The following PROX1 variants were observed in gnomAD, a reference collection of about 807,000 sequenced individuals.
PROX1 encodes prospero homeobox protein 1.
In PROX1, 7 loss-of-function variants were observed where a neutral mutation model predicts 58.8. The ratio of observed to expected loss-of-function variants is 0.12; its 90% CI spans 0.07 to 0.22. The LOEUF (loss-of-function observed/expected upper bound fraction) is 0.22. Among genes scored for constraint, PROX1 ranks in the 10% least tolerant of loss-of-function variants. The pLI is 1.00. For synonymous variants in PROX1, 350 were observed against 358.3 expected (o/e 0.98, Z 0.26); for missense variants, 675 against 927.8 (o/e 0.73, Z 3.54).
intron 4 of PROX1, among the ~76,000 whole-genome samples, chr1:214,024,022 A>C (rs564750667): frequency 6.6e-6 from 1 of 152,294 alleles, no homozygotes; most frequent in East Asian, 1.9e-4. Context: ...AGTGACCTGA[A>C]GGCGTACAAG....
chr1:214,011,842 C>G, intron 4 of PROX1, 127 bp downstream of exon 4: 1 of 724,608 alleles, frequency 1.4e-6, no homozygotes, highest in Non-Finnish European at 2.1e-6. Flanking sequence ...AATAGAGTAA[C>G]AGGTAGAGCT....
intron 4 of PROX1, among the ~76,000 whole-genome samples, chr1:214,021,224 T>G (rs2102753554): frequency 6.6e-6 from 1 of 152,386 alleles, no homozygotes; most frequent in East Asian, 1.9e-4. Context: ...TTAAACCTTT[T>G]TTAAACTTAA....
intron 1 of PROX1, among the ~76,000 whole-genome samples, chr1:213,992,070 C>T (rs1002567473): frequency 6.6e-6 from 1 of 152,132 alleles, no homozygotes; most frequent in Non-Finnish European, 1.5e-5. Flanking sequence ...TTATTTCACA[C>T]TCTGTCTTAT....
At chr1:214,010,124 A>G (rs1333197186) in intron 3 of PROX1, among the ~76,000 whole-genome samples, 1 of 152,184 alleles carries the variant, frequency 6.6e-6, no homozygotes, top group Non-Finnish European at 1.5e-5. Context: ...CAGAGCAGAC[A>G]CACAGAGTGA....
At chr1:214,019,599 G>A (rs774062489) in intron 4 of PROX1, among the ~76,000 whole-genome samples, 10 of 152,290 alleles carry the variant, frequency 6.6e-5, no homozygotes, top group Admixed American at 2.6e-4. Flanking sequence ...GGCAGCAGCC[G>A]TCGTGGGCCA....
At chr1:214,020,672 C>T (rs1214765301) in intron 4 of PROX1, among the ~76,000 whole-genome samples, 1 of 152,158 alleles carries the variant, frequency 6.6e-6, no homozygotes, top group Admixed American at 6.5e-5. Context: ...ATTAATTGAT[C>T]TGTGTTAGCA....
chr1:214,027,312 A>G (rs1664492409), intron 4 of PROX1, among the ~76,000 whole-genome samples: 1 of 151,712 alleles, frequency 6.6e-6, no homozygotes, highest in Non-Finnish European at 1.5e-5. Context: ...CAAACTCACT[A>G]GAGAGTTTGG....
At chr1:214,000,070 A>G (rs1364663310) in intron 2 of PROX1, among the ~76,000 whole-genome samples, 1 of 151,970 alleles carries the variant, frequency 6.6e-6, no homozygotes, top group East Asian at 1.9e-4. Flanking sequence ...ACACACAGAC[A>G]CACACACACA....
chr1:214,000,429 G>C (rs1663463082), intron 2 of PROX1, among the ~76,000 whole-genome samples: 1 of 152,178 alleles, frequency 6.6e-6, no homozygotes, highest in Non-Finnish European at 1.5e-5. Context: ...CTTCTTCAGA[G>C]GCATGACTTC....
rs1424576899 is a variant in PROX1, at chr1:214,035,677, A to T, written c.2057A>T (p.Gln686Leu). 6 of 1,613,542 alleles carry T rather than the reference A, an allele frequency of 3.7e-6. No homozygotes were observed. The highest frequency in any genetic ancestry group is 4.2e-6 in the Non-Finnish European group (5 of 1,179,784). ...CCAGAGAGATTCCTGGAAGTTGCTCAGATCACATTACGGGAGTTTTTCAAT... is the reference window on the plus strand; with the variant it reads ...CCAGAGAGATTCCTGGAAGTTGCTCTGATCACATTACGGGAGTTTTTCAAT... ...EVPERFLEVAQITLREFFNAI... is the reference protein window; with the variant it reads ...EVPERFLEVALITLREFFNAI... The change falls in exon 5 of 5, where the codon CAG becomes CTG. Residue 686 changes from glutamine (Q) to leucine (L), a missense_variant. Physicochemically the swap from Gln to Leu is moderately radical, Grantham distance 113 (BLOSUM62 -2). This residue lies in a region of PROX1 where 50 missense variants were observed against 79.3 expected (regional missense o/e 0.63). Transcript: ENST00000366958.
At chr1:213,990,780 G>A (rs1235813723) in intron 1 of PROX1, among the ~76,000 whole-genome samples, 1 of 151,762 alleles carries the variant, frequency 6.6e-6, no homozygotes, top group Admixed American at 6.6e-5. Flanking sequence ...GTTTGAAAGT[G>A]TTACTGTTGT....
chr1:214,037,758 T>TC lies in PROX1; in HGVS notation c.*1925dup, dbSNP rs1664876477. The TC allele has an allele frequency of 2.0e-5, 3 of 152,156 alleles. No homozygotes were observed. In the South Asian group the frequency reaches 6.2e-4, roughly 32 times the overall value. The allele number at this position is 152,156 out of a possible 1,614,324, so 9.4% of individuals were successfully genotyped here. A position where few individuals can be genotyped will look rare whatever the true frequency, so the allele number is the denominator to read the frequency against. Reference sequence around the variant, plus strand: ...GTCATTAGATCCAATTTGTTATTTTTCTCACTTGCTTTAAAAAAAAGCAGT... The same window carrying TC: ...GTCATTAGATCCAATTTGTTATTTTTCCTCACTTGCTTTAAAAAAAAGCAGT... On this transcript the variant is annotated 3_prime_UTR_variant, in exon 5 of 5. Transcript: ENST00000366958.
intron 1 of PROX1, chr1:213,989,638 G>T: frequency 6.5e-6 from 1 of 152,692 alleles, no homozygotes; most frequent in Non-Finnish European, 1.5e-5. Context: ...AGCAGATCAG[G>T]AGGGGGACGC....
chr1:214,017,142 A>G (rs1317243570), intron 4 of PROX1, among the ~76,000 whole-genome samples: 1 of 152,102 alleles, frequency 6.6e-6, no homozygotes, highest in Non-Finnish European at 1.5e-5. Context: ...CTTGGCACAT[A>G]TCAAAGTTCA....
chr1:213,992,617 G>A (rs1184040037), intron 1 of PROX1, among the ~76,000 whole-genome samples: 1 of 152,078 alleles, frequency 6.6e-6, no homozygotes, highest in African/African-American at 2.4e-5. Context: ...TCAAGTGTAG[G>A]CTTGCACAAT....
intron 4 of PROX1, among the ~76,000 whole-genome samples, chr1:214,015,021 C>T (rs1227874511): frequency 6.6e-6 from 1 of 152,138 alleles, no homozygotes; most frequent in Non-Finnish European, 1.5e-5. Context: ...CATTTCCTGG[C>T]CTTTATGAGT....
chr1:214,011,510 A>C lies in PROX1; in HGVS notation c.1834-11A>C, dbSNP rs745472220. On this transcript the variant is annotated splice_polypyrimidine_tract_variant and intron_variant, in intron 3 of 4. Coordinates refer to ENST00000366958, the MANE Select transcript of PROX1 (RefSeq NM_001270616.2). ...AATGTTCTTATCCTTTTCAACATTTAAATTTAACAGTTCAACAGATGCATT... is the reference window on the plus strand; with the variant it reads ...AATGTTCTTATCCTTTTCAACATTTCAATTTAACAGTTCAACAGATGCATT... The C allele has an allele frequency of 3.5e-5, 56 of 1,598,832 alleles. No individual in the cohort carries two copies. Among genetic ancestry groups the C allele is most frequent in the Non-Finnish European group, 4.4e-5 (51 of 1,171,500 alleles).
rs115714376 is a variant in PROX1 at position 214,031,762 on chromosome 1, A to G, written c.2029-3887A>G. 3.1e-3 allele frequency among the ~76,000 whole-genome samples: 465 copies of G among 152,284 alleles called. 1 individual carries two copies. Among genetic ancestry groups the G allele is most frequent in the African/African-American group, 0.011 (448 of 41,550 alleles). On this transcript the variant is annotated intron_variant, in intron 4 of 4. Coordinates refer to ENST00000366958, the MANE Select transcript of PROX1 (RefSeq NM_001270616.2). ...AAGATGCTCCCACAAAACATCAGAA[A>G]GTACCCCCTATTATTCTGTTAAATG...
chr1:213,984,223 G>C (rs1414839660), upstream of PROX1: 1 of 152,196 alleles, frequency 6.6e-6, no homozygotes, highest in Non-Finnish European at 1.5e-5. Flanking sequence ...CTTTGTGGGC[G>C]AAGAGTGATT....
Sources: allele counts gnomAD v4.1 joint callset (sites outside exome capture counted in the v4.1 genomes callset), GRCh38; gene constraint gnomAD v4.1.1; regional missense constraint gnomAD v4.1.1; transcripts MANE v1.5; gene names NCBI Gene and HGNC (gene_info 2026-07-23, HGNC 2026-07-21).